GPC6: variants seen among roughly 807,000 people sequenced by gnomAD.
The protein encoded by GPC6 is glypican-6.
A neutral mutation model predicts 55.2 loss-of-function variants in GPC6; 14 were observed. The ratio of observed to expected loss-of-function variants is 0.25; its 90% CI spans 0.17 to 0.40. GPC6 has a LOEUF of 0.40. Ranked by LOEUF, GPC6 falls within the 10% of genes least tolerant of loss-of-function variation. GPC6 has a pLI of 1.00. For missense variants in GPC6, 641 were observed against 708.5 expected, an observed-to-expected ratio of 0.90 and a Z score of 1.08; for synonymous variants, 278 against 259.6, an observed-to-expected ratio of 1.07 and a Z score of -0.68.
intron 2 of GPC6, among the ~76,000 whole-genome samples, chr13:93,641,166 CT>C (rs910370208): frequency 6.6e-6 from 1 of 151,862 alleles, no homozygotes; most frequent in East Asian, 1.9e-4. Context: ...ATAGTACATG[CT>C]TTTTTCAGAA....
At chr13:93,422,809 T>G (rs1384772448) in intron 1 of GPC6, among the ~76,000 whole-genome samples, 1 of 152,202 alleles carries the variant, frequency 6.6e-6, no homozygotes, top group African/African-American at 2.4e-5. Context: ...CTCAAAGGTT[T>G]TCTCTGTAAA....
intron 2 of GPC6, among the ~76,000 whole-genome samples, chr13:93,772,420 T>C (rs1885331924): frequency 1.3e-5 from 2 of 151,858 alleles, no homozygotes. Context: ...TTGTATTAAA[T>C]ATGGATTTCA....
chr13:94,019,701 T>C (rs1290522489), intron 3 of GPC6, among the ~76,000 whole-genome samples: 1 of 152,210 alleles, frequency 6.6e-6, no homozygotes, highest in Non-Finnish European at 1.5e-5. Flanking sequence ...TCTAGATCCT[T>C]ACTTTATTTA....
At chr13:94,021,295 A>G (rs1211460294) in intron 3 of GPC6, among the ~76,000 whole-genome samples, 2 of 151,648 alleles carry the variant, frequency 1.3e-5, no homozygotes, top group East Asian at 3.9e-4. Flanking sequence ...TAACTTTCAC[A>G]TATTTTCTTG....
At chr13:93,747,656 A>G (rs1312896231) in intron 2 of GPC6, among the ~76,000 whole-genome samples, 1 of 152,216 alleles carries the variant, frequency 6.6e-6, no homozygotes, top group East Asian at 1.9e-4. Context: ...TGAGGTATTC[A>G]ACACTTCATT....
At chr13:93,303,690 A>G (rs1878759038) in intron 1 of GPC6, among the ~76,000 whole-genome samples, 1 of 152,068 alleles carries the variant, frequency 6.6e-6, no homozygotes, top group African/African-American at 2.4e-5. Context: ...AAATACTTAG[A>G]TAATTTAATA....
At chr13:94,260,496 G>C (rs1891625392) in intron 4 of GPC6, among the ~76,000 whole-genome samples, 1 of 152,084 alleles carries the variant, frequency 6.6e-6, no homozygotes, top group Non-Finnish European at 1.5e-5. Flanking sequence ...TCTTTCTGTG[G>C]TCTTCCTTCT....
chr13:93,802,297 T>G (rs1339114993), intron 2 of GPC6, among the ~76,000 whole-genome samples: 1 of 152,174 alleles, frequency 6.6e-6, no homozygotes, highest in East Asian at 1.9e-4. Flanking sequence ...CTGGAGATAC[T>G]TGGATATGGA....
At chr13:93,274,250 T>C (rs1877652398) in intron 1 of GPC6, among the ~76,000 whole-genome samples, 1 of 152,274 alleles carries the variant, frequency 6.6e-6, no homozygotes. Context: ...ATTTAGGGTA[T>C]TGTATTATGG....
At chr13:93,362,109 T>C (rs1594118943) in intron 1 of GPC6, among the ~76,000 whole-genome samples, 1 of 152,358 alleles carries the variant, frequency 6.6e-6, no homozygotes. Context: ...TCATTAGTTC[T>C]ATAATATCTC....
At chr13:93,883,731 A>T (rs755431306) in intron 3 of GPC6, among the ~76,000 whole-genome samples, 2 of 152,002 alleles carry the variant, frequency 1.3e-5, no homozygotes, top group African/African-American at 4.8e-5. Flanking sequence ...TGACCCAACT[A>T]TGGTTTTGCC....
chr13:94,113,823 C>G (rs1006999291), intron 4 of GPC6, among the ~76,000 whole-genome samples: 1 of 151,730 alleles, frequency 6.6e-6, no homozygotes, highest in Middle Eastern at 3.2e-3. Context: ...GAGTTCTTGA[C>G]CAGCCTGGCC....
chr13:93,869,649 A>G (rs1319519251), intron 3 of GPC6, among the ~76,000 whole-genome samples: 1 of 151,882 alleles, frequency 6.6e-6, no homozygotes, highest in African/African-American at 2.4e-5. Flanking sequence ...AACTTAACAT[A>G]TTAATACATT....
At chr13:93,430,361 G>T (rs1370679487) in intron 1 of GPC6, among the ~76,000 whole-genome samples, 1 of 152,058 alleles carries the variant, frequency 6.6e-6, no homozygotes, top group Non-Finnish European at 1.5e-5. Flanking sequence ...TTTTGAAAGT[G>T]CAAATTGAGA....
chr13:93,274,921 T>C (rs1339621602), intron 1 of GPC6, among the ~76,000 whole-genome samples: 1 of 152,168 alleles, frequency 6.6e-6, no homozygotes, highest in Non-Finnish European at 1.5e-5. Flanking sequence ...TTACCTAAGA[T>C]TGCATAAAAG....
chr13:93,607,996 T>C (rs575217615), intron 2 of GPC6, among the ~76,000 whole-genome samples: 2 of 151,596 alleles, frequency 1.3e-5, no homozygotes, highest in East Asian at 3.9e-4. Context: ...TTCAGTGATA[T>C]TCTTTTCTCT....
At chr13:93,926,233 T>A (rs1263385685) in intron 3 of GPC6, among the ~76,000 whole-genome samples, 3 of 152,162 alleles carry the variant, frequency 2.0e-5, no homozygotes, top group Non-Finnish European at 4.4e-5. Context: ...TTGCAGGCTA[T>A]TTTTGGAGAC....
chr13:93,573,837 T>A (rs1254636651), intron 2 of GPC6, among the ~76,000 whole-genome samples: 1 of 152,192 alleles, frequency 6.6e-6, no homozygotes, highest in Admixed American at 6.5e-5. Context: ...TTTTCTTCCC[T>A]TTCTCTGCTC....
At chr13:93,302,768 A>C (rs927015356) in intron 1 of GPC6, among the ~76,000 whole-genome samples, 1 of 152,218 alleles carries the variant, frequency 6.6e-6, no homozygotes, top group Non-Finnish European at 1.5e-5. Context: ...GAGTCAAGGC[A>C]TAGCATTTGG....
Sources: allele counts gnomAD v4.1 joint callset (sites outside exome capture counted in the v4.1 genomes callset), GRCh38; gene constraint gnomAD v4.1.1; transcripts MANE v1.5; gene names NCBI Gene and HGNC (gene_info 2026-07-23, HGNC 2026-07-21).